Variants in SPATS2 observed in about 807,000 individuals in gnomAD.
The protein encoded by SPATS2 is spermatogenesis-associated serine-rich protein 2.
A neutral mutation model predicts 63.7 loss-of-function variants in SPATS2; 38 were observed. The ratio of observed to expected loss-of-function variants is 0.60; its 90% CI spans 0.46 to 0.78. The LOEUF (loss-of-function observed/expected upper bound fraction) is 0.78, where lower values mean the gene tolerates loss of function less well. Among genes scored for constraint, SPATS2 ranks in the 30% least tolerant of loss-of-function variants. SPATS2 has a pLI of 0.00. For missense variants in SPATS2, 588 were observed against 666.2 expected (o/e 0.88, Z 1.29); for synonymous variants, 207 against 232.9 (o/e 0.89, Z 1.01).
intron 8 of SPATS2, among the ~76,000 whole-genome samples, chr12:49,499,307 C>CAT (rs1050349595): frequency 3.9e-5 from 6 of 152,170 alleles, no homozygotes; most frequent in Non-Finnish European, 7.4e-5. Flanking sequence ...CTCTGCCTGC[C>CAT]ATATATTGTG....
intron 9 of SPATS2, among the ~76,000 whole-genome samples, chr12:49,506,461 A>G (rs1286613411): frequency 6.6e-6 from 1 of 152,184 alleles, no homozygotes; most frequent in Non-Finnish European, 1.5e-5. Flanking sequence ...TAAAACCATC[A>G]GCTCTTTTGA....
At chr12:49,375,429 A>G (rs1294517342) in intron 2 of SPATS2, among the ~76,000 whole-genome samples, 1 of 152,084 alleles carries the variant, frequency 6.6e-6, no homozygotes, top group Non-Finnish European at 1.5e-5. Context: ...TTTTAAGGCT[A>G]CCCTCTGTAG....
chr12:49,378,170 A>T (rs1439364581), intron 2 of SPATS2, among the ~76,000 whole-genome samples: 1 of 151,916 alleles, frequency 6.6e-6, no homozygotes, highest in Non-Finnish European at 1.5e-5. Flanking sequence ...ATGGGGTTTC[A>T]CCATGTTGGC....
At chr12:49,371,537 G>A (rs1056870078) in intron 2 of SPATS2, among the ~76,000 whole-genome samples, 4 of 152,220 alleles carry the variant, frequency 2.6e-5, no homozygotes, top group Admixed American at 6.5e-5. Flanking sequence ...ATACTTGTTC[G>A]AGTCCCTCTG....
chr12:49,376,252 C>T (rs1448989849), intron 2 of SPATS2, among the ~76,000 whole-genome samples: 2 of 151,824 alleles, frequency 1.3e-5, no homozygotes, highest in Non-Finnish European at 2.9e-5. Flanking sequence ...CAAGTGCCCG[C>T]CACCACGCCC....
At chr12:49,519,789 C>T (rs552189737) in intron 11 of SPATS2, among the ~76,000 whole-genome samples, 179 of 152,026 alleles carry the variant, frequency 1.2e-3, no homozygotes, top group African/African-American at 4.2e-3. Context: ...TGCTCTTCTC[C>T]CTGCCTCCAA....
At chr12:49,473,388 G>A (rs1946071304) in intron 3 of SPATS2, among the ~76,000 whole-genome samples, 1 of 152,122 alleles carries the variant, frequency 6.6e-6, no homozygotes, top group Admixed American at 6.6e-5. Context: ...CTGTACTCCA[G>A]CCTGAGCAAC....
At chr12:49,433,734 C>T (rs181438744) in intron 2 of SPATS2, among the ~76,000 whole-genome samples, 278 of 152,212 alleles carry the variant, frequency 1.8e-3, no homozygotes, top group South Asian at 3.9e-3. Context: ...GTATTTTCTG[C>T]CATTTCATTG....
Position 49,498,119 on chromosome 12 carries a change from TATCCA to T in SPATS2, c.703+1114_703+1118del, listed in dbSNP as rs568532035. Among the ~76,000 whole-genome samples the T allele has an allele frequency of 2.3e-3, 270 of 117,484 alleles. 4 individuals carry two copies. Among genetic ancestry groups the T allele is most frequent in the Non-Finnish European group, 2.5e-3 (148 of 60,106 alleles). The allele number at this position is 117,484 out of a possible 152,430, so 77.1% of individuals were successfully genotyped here. ...TGTTGCAGATCAGCAGGTTTGAGAC[TATCCA>T]ATCAAGCCAAAAAAAAAAAAAATAT... On this transcript the variant is annotated intron_variant, in intron 8 of 13. Coordinates refer to ENST00000552918, the MANE Select transcript of SPATS2 (RefSeq NM_023071.4).
At chr12:49,462,222 C>G in intron 3 of SPATS2, 2 of 687,734 alleles carry the variant, frequency 2.9e-6, no homozygotes, top group Non-Finnish European at 5.3e-6. Flanking sequence ...TTTCCCTGGC[C>G]CCTTTGCAGG....
chr12:49,382,840 G>A (rs1405720771), intron 2 of SPATS2, among the ~76,000 whole-genome samples: 1 of 152,010 alleles, frequency 6.6e-6, no homozygotes, highest in East Asian at 1.9e-4. Flanking sequence ...GAGTAGCTAG[G>A]ATTACAGGTG....
intron 3 of SPATS2, among the ~76,000 whole-genome samples, chr12:49,465,851 G>A (rs1945905045): frequency 6.6e-6 from 1 of 152,084 alleles, no homozygotes; most frequent in African/African-American, 2.4e-5. Context: ...GGCTGAGGCA[G>A]GAGAATCACT....
At chr12:49,446,465 T>C (rs186905978) in intron 2 of SPATS2, among the ~76,000 whole-genome samples, 17 of 152,352 alleles carry the variant, frequency 1.1e-4, no homozygotes, top group African/African-American at 4.1e-4. Flanking sequence ...TCACTCAGGC[T>C]GTTGGCAGAA....
chr12:49,388,371 TA>T (rs906487546), intron 2 of SPATS2, among the ~76,000 whole-genome samples: 123 of 151,792 alleles, frequency 8.1e-4, no homozygotes, highest in African/African-American at 2.8e-3. Flanking sequence ...CTTTTTTTTT[TA>T]AAAAATAATT....
intron 2 of SPATS2, among the ~76,000 whole-genome samples, chr12:49,452,897 C>CTTGT (rs1342690044): frequency 6.6e-6 from 1 of 151,940 alleles, no homozygotes; most frequent in Non-Finnish European, 1.5e-5. Flanking sequence ...GTGGCTCACG[C>CTTGT]TTGTAATCCC....
intron 2 of SPATS2, among the ~76,000 whole-genome samples, chr12:49,395,889 C>A (rs902017430): frequency 6.6e-6 from 1 of 152,178 alleles, no homozygotes; most frequent in Non-Finnish European, 1.5e-5. Context: ...ACTTTATACC[C>A]ACTGAATAGC....
chr12:49,509,430 G>A (rs1257418783), intron 9 of SPATS2, among the ~76,000 whole-genome samples: 1 of 151,478 alleles, frequency 6.6e-6, no homozygotes, highest in African/African-American at 2.4e-5. Context: ...ACAGGCGCAC[G>A]CCACATTTTT....
At chr12:49,461,063 G>A in intron 3 of SPATS2, 26 bp downstream of exon 3, 3 of 1,612,238 alleles carry the variant, frequency 1.9e-6, no homozygotes, top group Non-Finnish European at 2.5e-6. Context: ...GGCATAAATT[G>A]TTAAAAGCAT....
At chr12:49,444,982 G>C (rs1945486576) in intron 2 of SPATS2, among the ~76,000 whole-genome samples, 1 of 152,040 alleles carries the variant, frequency 6.6e-6, no homozygotes, top group African/African-American at 2.4e-5. Context: ...CAGTATTTTT[G>C]GTGTGTGTGT....
Sources: gnomAD v4.1 joint callset for allele counts (sites outside exome capture counted in the v4.1 genomes callset) on GRCh38, gnomAD v4.1.1 for gene constraint, MANE v1.5 for transcripts, NCBI Gene and HGNC (gene_info 2026-07-23, HGNC 2026-07-21) for gene names.